Variants in ARHGAP15 observed in about 807,000 individuals in gnomAD.
The protein encoded by ARHGAP15 is rho GTPase-activating protein 15.
Under a neutral mutation model 63.7 loss-of-function variants are expected in ARHGAP15, and 51 were observed. The ratio of observed to expected loss-of-function variants is 0.80; its 90% CI spans 0.64 to 1.01. The LOEUF is 1.01. Among genes scored for constraint, ARHGAP15 ranks in the 50% least tolerant of loss-of-function variants. ARHGAP15 has a pLI of 0.00. For synonymous variants in ARHGAP15, 191 were observed against 193.8 expected, an observed-to-expected ratio of 0.99 and a Z score of 0.12; for missense variants, 560 against 564.6, an observed-to-expected ratio of 0.99 and a Z score of 0.08.
intron 1 of ARHGAP15, among the ~76,000 whole-genome samples, chr2:143,141,092 C>T (rs1471239526): frequency 3.9e-5 from 6 of 152,132 alleles, no homozygotes; most frequent in Non-Finnish European, 7.4e-5. Context: ...GATCTGACTT[C>T]TCCTGACCAT....
chr2:143,307,016 C>A (rs1683206039), intron 6 of ARHGAP15, among the ~76,000 whole-genome samples: 1 of 152,062 alleles, frequency 6.6e-6, no homozygotes, highest in Non-Finnish European at 1.5e-5. Flanking sequence ...GGGTCCTCGT[C>A]CAAACTCACT....
intron 13 of ARHGAP15, among the ~76,000 whole-genome samples, chr2:143,730,332 T>A (rs2105482502): frequency 6.6e-6 from 1 of 152,322 alleles, no homozygotes; most frequent in East Asian, 1.9e-4. Context: ...TAATCGTATG[T>A]CTCTTTCAGT....
chr2:143,334,564 A>C (rs12691673), intron 6 of ARHGAP15, among the ~76,000 whole-genome samples: 117,263 of 152,140 alleles, frequency 0.77, 49,371 homozygotes, highest in East Asian at 0.98. Context: ...ATGATTGCAA[A>C]ACTTTAATAA....
At chr2:143,149,822 T>G (rs1689742486) in intron 1 of ARHGAP15, among the ~76,000 whole-genome samples, 1 of 152,020 alleles carries the variant, frequency 6.6e-6, no homozygotes. Context: ...TCCATATTTG[T>G]TTTTCATTTA....
At chr2:143,701,698 C>T (rs1417616568) in intron 12 of ARHGAP15, among the ~76,000 whole-genome samples, 2 of 152,154 alleles carry the variant, frequency 1.3e-5, no homozygotes, top group African/African-American at 4.8e-5. Flanking sequence ...CCACTGCACT[C>T]CAGGCTGCAC....
intron 6 of ARHGAP15, chr2:143,295,413 G>A (rs1272615556): frequency 7.4e-6 from 1 of 134,802 alleles, no homozygotes; most frequent in East Asian, 2.0e-4. Context: ...TCTCAAGGAA[G>A]TTAGATTCTG....
At chr2:143,442,193 T>C (rs1689914467) in intron 8 of ARHGAP15, among the ~76,000 whole-genome samples, 1 of 152,198 alleles carries the variant, frequency 6.6e-6, no homozygotes, top group South Asian at 2.1e-4. Flanking sequence ...ATACTGGTCT[T>C]CTACAACTAT....
At chr2:143,148,064 C>A (rs1463827162) in intron 1 of ARHGAP15, among the ~76,000 whole-genome samples, 1 of 152,030 alleles carries the variant, frequency 6.6e-6, no homozygotes, top group Non-Finnish European at 1.5e-5. Context: ...TCTCCTAAGG[C>A]AGCCTTAATC....
In ARHGAP15 at chr2:143,187,687, C is replaced by T. The variant is rs549579536; in HGVS notation, c.166-14447C>T. The stretch of plus-strand genomic sequence containing the variant: ...ACTAGTTGCTACCATTGTAATTTTG[C>T]GAAAATTATTCTCTGCTGAATCATA... On this transcript the variant is annotated intron_variant, in intron 2 of 13. Coordinates refer to ENST00000295095, the MANE Select transcript of ARHGAP15 (RefSeq NM_018460.4). Among the ~76,000 whole-genome samples, 10 of 152,240 alleles carry T rather than the reference C, an allele frequency of 6.6e-5. No individual in the cohort carries two copies. The South Asian group carries it at 1.2e-3, about 19-fold the overall frequency.
intron 10 of ARHGAP15, among the ~76,000 whole-genome samples, chr2:143,546,811 C>A (rs1272881349): frequency 6.6e-6 from 1 of 152,026 alleles, no homozygotes; most frequent in Non-Finnish European, 1.5e-5. Context: ...CCAAATATAA[C>A]CTCCAACTTC....
At chr2:143,623,445 A>G (rs1222601854) in intron 11 of ARHGAP15, among the ~76,000 whole-genome samples, 1 of 152,110 alleles carries the variant, frequency 6.6e-6, no homozygotes, top group Non-Finnish European at 1.5e-5. Context: ...GTGTGTTATC[A>G]TTTTTGACAG....
At chr2:143,154,105 T>C (rs950453099) in intron 1 of ARHGAP15, among the ~76,000 whole-genome samples, 3 of 151,768 alleles carry the variant, frequency 2.0e-5, no homozygotes, top group Non-Finnish European at 1.5e-5. Flanking sequence ...CACCTCTTTC[T>C]GCCTGCCTGT....
chr2:143,643,785 C>T lies in ARHGAP15; in HGVS notation c.1138+19518C>T, dbSNP rs551725202. Among the ~76,000 whole-genome samples the T allele has an allele frequency of 7.4e-4, 112 of 151,918 alleles. 1 individual carries two copies. The highest frequency in any genetic ancestry group is 1.3e-3 in the Non-Finnish European group (90 of 67,980). On this transcript the variant is annotated intron_variant, in intron 12 of 13. Coordinates refer to ENST00000295095, the MANE Select transcript of ARHGAP15 (RefSeq NM_018460.4). ...AAGTTGCAATGATTTAATGACATCT[C>T]GGTTAAACGGTCTTGGAAGAAATAG...
At chr2:143,464,201 G>A (rs1691094201) in intron 8 of ARHGAP15, among the ~76,000 whole-genome samples, 1 of 152,070 alleles carries the variant, frequency 6.6e-6, no homozygotes, top group South Asian at 2.1e-4. Flanking sequence ...AGAACTTCTA[G>A]AGTCTCGGAA....
intron 5 of ARHGAP15, among the ~76,000 whole-genome samples, chr2:143,233,935 G>C (rs1055402982): frequency 6.6e-6 from 1 of 151,998 alleles, no homozygotes; most frequent in Non-Finnish European, 1.5e-5. Context: ...GTCAGCCACC[G>C]CACCAGGCCC....
intron 11 of ARHGAP15, among the ~76,000 whole-genome samples, chr2:143,618,847 T>G (rs1017876043): frequency 1.4e-5 from 2 of 147,282 alleles, no homozygotes; most frequent in Admixed American, 6.8e-5. Flanking sequence ...TTTTTTTTCC[T>G]TTGAGACGGA....
chr2:143,757,312 C>A (rs986435268), intron 13 of ARHGAP15, among the ~76,000 whole-genome samples: 1 of 152,112 alleles, frequency 6.6e-6, no homozygotes, highest in South Asian at 2.1e-4. Flanking sequence ...GAGTTTGAGA[C>A]CAGCCTGGCC....
chr2:143,149,628 A>G (rs1237478241), intron 1 of ARHGAP15, among the ~76,000 whole-genome samples: 1 of 151,994 alleles, frequency 6.6e-6, no homozygotes, highest in African/African-American at 2.4e-5. Flanking sequence ...AGCATACTTT[A>G]ATATTAGCCT....
At chr2:143,183,942 T>A (rs528472871) in intron 2 of ARHGAP15, among the ~76,000 whole-genome samples, 1 of 152,286 alleles carries the variant, frequency 6.6e-6, no homozygotes, top group Non-Finnish European at 1.5e-5. Context: ...TTGCCCTTGC[T>A]CTTGAGAGCT....
Sources: gnomAD v4.1 joint callset for allele counts (sites outside exome capture counted in the v4.1 genomes callset) on GRCh38, gnomAD v4.1.1 for gene constraint, MANE v1.5 for transcripts, NCBI Gene and HGNC (gene_info 2026-07-23, HGNC 2026-07-21) for gene names.